The following KLHL18 variants were observed in gnomAD, a reference collection of about 807,000 sequenced individuals.
The protein encoded by KLHL18 is kelch like family member 18, also known as kelch-like protein 18.
Under a neutral mutation model 58.5 loss-of-function variants are expected in KLHL18, and 38 were observed. The ratio of observed to expected loss-of-function variants is 0.65; its 90% CI spans 0.50 to 0.85. KLHL18 has a LOEUF of 0.85. KLHL18 is among the 40% of genes least tolerant of loss of function. The pLI, the probability that KLHL18 is intolerant of heterozygous loss-of-function variation, is 0.00. For missense variants in KLHL18, 624 were observed against 778.4 expected (o/e 0.80, Z 2.36); for synonymous variants, 303 against 301.9 (o/e 1.00, Z -0.04).
At chr3:47,318,943 G>A (rs1374990719) in intron 1 of KLHL18, among the ~76,000 whole-genome samples, 1 of 152,188 alleles carries the variant, frequency 6.6e-6, no homozygotes. Context: ...GGACTGTTTT[G>A]CTCTTCCTGG....
chr3:47,335,463 GGGCAGTTGGTGGGCACTCCCA>G (rs1198123745), intron 6 of KLHL18, among the ~76,000 whole-genome samples: 3 of 152,022 alleles, frequency 2.0e-5, no homozygotes, highest in Non-Finnish European at 1.5e-5. Context: ...CCCAACTTGG[GGGCAGTTGGTGGGCACTCCCA>G]GGCAGTTTTG....
In KLHL18 at chr3:47,322,643, G is replaced by A; in HGVS notation, c.336G>A (p.Leu112=). 1.2e-6 allele frequency: 2 copies of A among 1,604,626 alleles called. No homozygotes were observed. Among genetic ancestry groups the A allele is most frequent in the Non-Finnish European group, 8.5e-7 (1 of 1,175,964 alleles). ...ACCAGCAAAATGTCCAGTCATTGCT[G>A]ATGGGGGCGAGCTTCCTGCAGCTGC... ...AIDQQNVQSL[L]MGASFLQLQS... is the part of the protein sequence containing the mutation. Residue 112 remains leucine, a synonymous_variant, in exon 3 of 10, where the codon CTG becomes CTA. Coordinates refer to ENST00000232766, the MANE Select transcript of KLHL18 (RefSeq NM_025010.5).
intron 6 of KLHL18, among the ~76,000 whole-genome samples, chr3:47,335,458 C>T (rs974378245): frequency 2.0e-5 from 3 of 152,156 alleles, no homozygotes; most frequent in Non-Finnish European, 4.4e-5. Flanking sequence ...GGCCTCCCAA[C>T]TTGGGGGCAG....
At chr3:47,309,060 C>T (rs1026754619) in intron 1 of KLHL18, among the ~76,000 whole-genome samples, 1 of 152,210 alleles carries the variant, frequency 6.6e-6, no homozygotes, top group African/African-American at 2.4e-5. Context: ...GGACACAGCA[C>T]ATATTTCAGA....
At chr3:47,336,988 G>A (rs904953970) in intron 7 of KLHL18, 3 of 517,290 alleles carry the variant, frequency 5.8e-6, no homozygotes, top group Non-Finnish European at 7.0e-6. Flanking sequence ...TGGACATGTG[G>A]AAGTTGTGTT....
rs75488231 is a variant in KLHL18, at chr3:47,316,268, T to C, written c.130-3385T>C. Among the ~76,000 whole-genome samples, 1,053 of 151,934 alleles carry C rather than the reference T, an allele frequency of 6.9e-3. 12 individuals are homozygous for C. The highest frequency in any genetic ancestry group is 0.024 in the African/African-American group (1,007 of 41,412). ...AGAATACAGAGAAAATCCTAAAGGCTTCTAGAGAGCACAGTTACATACTTA... is the reference window on the plus strand; with the variant it reads ...AGAATACAGAGAAAATCCTAAAGGCCTCTAGAGAGCACAGTTACATACTTA... On this transcript the variant is annotated intron_variant, in intron 1 of 9. Transcript: ENST00000232766.
chr3:47,290,477 T>C (rs892332208), intron 1 of KLHL18, among the ~76,000 whole-genome samples: 6 of 152,090 alleles, frequency 3.9e-5, no homozygotes, highest in Admixed American at 2.6e-4. Flanking sequence ...TTTTTTTTTT[T>C]CCTTGAGACA....
intron 3 of KLHL18, among the ~76,000 whole-genome samples, chr3:47,327,281 G>A (rs1481548044): frequency 6.6e-6 from 1 of 152,182 alleles, no homozygotes; most frequent in Non-Finnish European, 1.5e-5. Context: ...TTTGTGCTCA[G>A]TATTATGCCA....
At chr3:47,291,934 A>T (rs1702799255) in intron 1 of KLHL18, among the ~76,000 whole-genome samples, 1 of 152,236 alleles carries the variant, frequency 6.6e-6, no homozygotes, top group Non-Finnish European at 1.5e-5. Flanking sequence ...TTGAAGCAGA[A>T]TGTTTCCAAA....
rs907377831 is a variant in KLHL18 at position 47,304,467 on chromosome 3, C to T, written c.130-15186C>T. 1.3e-5 allele frequency among the ~76,000 whole-genome samples: 2 copies of T among 152,224 alleles called. 1 individual carries two copies. The highest frequency in any genetic ancestry group is 4.1e-4 in the South Asian group (2 of 4,824). On this transcript the variant is annotated intron_variant, in intron 1 of 9. Coordinates refer to ENST00000232766, the MANE Select transcript of KLHL18 (RefSeq NM_025010.5). ...ATAGTGAGCTACGATTATGCCACTG[C>T]ACTCTAGCCTGGGCAACAGAGCAAG...
At chr3:47,340,432 G>A in intron 7 of KLHL18, 140 bp from the exon 8 acceptor site, 5 of 1,290,952 alleles carry the variant, frequency 3.9e-6, no homozygotes, top group Non-Finnish European at 5.4e-6. Context: ...TGTCACCTCA[G>A]TTTTATGCCT....
In KLHL18 at chr3:47,330,162, A is replaced by G; in HGVS notation, c.600+13A>G. The G allele has an allele frequency of 5.6e-6, 9 of 1,612,808 alleles. No homozygotes were observed. The highest frequency in any genetic ancestry group is 7.6e-6 in the Non-Finnish European group (9 of 1,178,844). On this transcript the variant is annotated intron_variant, in intron 4 of 9. Coordinates refer to ENST00000232766, the MANE Select transcript of KLHL18 (RefSeq NM_025010.5). Reference sequence around the variant, plus strand: ...ATCTGAGGAGCAGGTATGTGAGCCCAGTAGCAGTCTGTGCAGGTGACATGA... The same window carrying G: ...ATCTGAGGAGCAGGTATGTGAGCCCGGTAGCAGTCTGTGCAGGTGACATGA...
rs114441253 is a variant in KLHL18 at position 47,313,619 on chromosome 3, G to T, written c.130-6034G>T. Among the ~76,000 whole-genome samples, 1,377 of 152,240 alleles carry T rather than the reference G, an allele frequency of 9.0e-3. 17 individuals carry two copies. The highest frequency in any genetic ancestry group is 0.031 in the African/African-American group (1,306 of 41,544). On this transcript the variant is annotated intron_variant, in intron 1 of 9. Coordinates refer to ENST00000232766, the MANE Select transcript of KLHL18 (RefSeq NM_025010.5). Reference sequence around the variant, plus strand: ...TACAATATTGCAACTAGAATATTCAGTTGCAATCTTATTCAGATTTCTTCA... The same window carrying T: ...TACAATATTGCAACTAGAATATTCATTTGCAATCTTATTCAGATTTCTTCA...
At chr3:47,302,287 C>G (rs1703043753) in intron 1 of KLHL18, among the ~76,000 whole-genome samples, 1 of 152,120 alleles carries the variant, frequency 6.6e-6, no homozygotes, top group South Asian at 2.1e-4. Flanking sequence ...GAGATCAAGA[C>G]CATTCTGGCC....
chr3:47,305,614 C>A (rs993536302), intron 1 of KLHL18, among the ~76,000 whole-genome samples: 1 of 151,922 alleles, frequency 6.6e-6, no homozygotes, highest in African/African-American at 2.4e-5. Flanking sequence ...TAGGGTAATA[C>A]TGCATAAAAT....
chr3:47,316,761 G>GTGTATATATACACATATACGTATATA lies in KLHL18; in HGVS notation c.130-2889_130-2888insATATATACACATATACGTATATATGT, dbSNP rs1481505213. On this transcript the variant is annotated intron_variant, in intron 1 of 9. Transcript: ENST00000232766. ...CATATATACGTATATATGTATATGTGTGTGTATATATACATATATACATAT... is the reference window on the plus strand; with the variant it reads ...CATATATACGTATATATGTATATGTGTGTATATATACACATATACGTATATATGTGTATATATACATATATACATAT... Among the ~76,000 whole-genome samples the GTGTATATATACACATATACGTATATA allele has an allele frequency of 5.4e-4, 73 of 135,596 alleles. 1 individual carries two copies. Among genetic ancestry groups the GTGTATATATACACATATACGTATATA allele is most frequent in the African/African-American group, 2.0e-3 (67 of 34,138 alleles). 89.0% of individuals were successfully genotyped at this position (135,596 alleles called of 152,430 possible). A position where few individuals can be genotyped will look rare whatever the true frequency, so the allele number is the denominator to read the frequency against.
chr3:47,286,181 C>G (rs573271113), intron 1 of KLHL18, among the ~76,000 whole-genome samples: 18 of 152,198 alleles, frequency 1.2e-4, no homozygotes, highest in African/African-American at 4.3e-4. Context: ...GTGGGAAGGA[C>G]TAGTATAAAC....
intron 1 of KLHL18, among the ~76,000 whole-genome samples, chr3:47,316,721 G>A (rs201719949): frequency 3.2e-4 from 1 of 3,078 alleles, no homozygotes; most frequent in Non-Finnish European, 7.8e-4. Flanking sequence ...ATATGTATAT[G>A]TGTGTGTATA....
intron 1 of KLHL18, among the ~76,000 whole-genome samples, chr3:47,307,021 T>C (rs549351602): frequency 6.6e-6 from 1 of 152,322 alleles, no homozygotes; most frequent in Admixed American, 6.5e-5. Context: ...TTATGTACTC[T>C]GGATACTAAT....
Sources: gnomAD v4.1 joint callset for allele counts (sites outside exome capture counted in the v4.1 genomes callset) on GRCh38, gnomAD v4.1.1 for gene constraint, MANE v1.5 for transcripts, NCBI Gene and HGNC (gene_info 2026-07-23, HGNC 2026-07-21) for gene names.